CELF2: variants seen among roughly 807,000 people sequenced by gnomAD.
CELF2 encodes the protein CUG triplet repeat RNA-binding protein 2.
In CELF2, 8 loss-of-function variants were observed where a neutral mutation model predicts 62.6. That is an observed-to-expected ratio of 0.13 (90% CI 0.07 to 0.23). CELF2 has a LOEUF of 0.23. CELF2 is among the 10% of genes least tolerant of loss of function. CELF2 has a pLI of 1.00. For synonymous variants in CELF2, 258 were observed against 250.0 expected (o/e 1.03, Z -0.30); for missense variants, 333 against 671.0 (o/e 0.50, Z 5.56).
At chr10:11,181,347 G>C (rs548990263) in intron 2 of CELF2, among the ~76,000 whole-genome samples, 4 of 152,310 alleles carry the variant, frequency 2.6e-5, no homozygotes, top group South Asian at 4.1e-4. Context: ...CCTCTCGACT[G>C]TCAGTTGTCA....
chr10:10,681,048 TATTC>T, the CELF2 span, among the ~76,000 whole-genome samples: 1 of 152,172 alleles, frequency 6.6e-6, no homozygotes, highest in Non-Finnish European at 1.5e-5. Flanking sequence ...GGTTTTTATT[TATTC>T]TGTATTGAAT....
chr10:10,715,654 T>C, the CELF2 span, among the ~76,000 whole-genome samples: 1 of 152,186 alleles, frequency 6.6e-6, no homozygotes, highest in African/African-American at 2.4e-5. Flanking sequence ...ACCTCTTTGG[T>C]AGAAGAGTTG....
At chr10:11,111,746 C>G (rs1408922753) in intron 1 of CELF2, among the ~76,000 whole-genome samples, 2 of 152,152 alleles carry the variant, frequency 1.3e-5, no homozygotes, top group African/African-American at 2.4e-5. Context: ...GGCAGAGTGC[C>G]CCAAGTTCAC....
intron 1 of CELF2, among the ~76,000 whole-genome samples, chr10:10,874,006 A>C (rs2060924525): frequency 6.6e-6 from 1 of 152,144 alleles, no homozygotes; most frequent in African/African-American, 2.4e-5. Context: ...TAATGTGCTG[A>C]AATTATATAT....
At chr10:10,638,519 T>C in the CELF2 span, among the ~76,000 whole-genome samples, 1 of 152,324 alleles carries the variant, frequency 6.6e-6, no homozygotes, top group African/African-American at 2.4e-5. Context: ...ACATTCTTTT[T>C]TTGAGACATG....
intron 1 of CELF2, among the ~76,000 whole-genome samples, chr10:11,114,408 A>G (rs1027235413): frequency 3.3e-5 from 5 of 152,358 alleles, no homozygotes; most frequent in Admixed American, 1.3e-4. Context: ...TAACATATCA[A>G]AGAAAATGTG....
chr10:10,565,613 T>A, the CELF2 span, among the ~76,000 whole-genome samples: 3 of 152,176 alleles, frequency 2.0e-5, no homozygotes, highest in Non-Finnish European at 4.4e-5. Flanking sequence ...TCTGGGTCAT[T>A]CCTGGATGCT....
At chr10:11,172,216 A>G (rs2069124862) in intron 2 of CELF2, among the ~76,000 whole-genome samples, 1 of 152,152 alleles carries the variant, frequency 6.6e-6, no homozygotes, top group Non-Finnish European at 1.5e-5. Flanking sequence ...ATCCTGAATT[A>G]ATGTTATGTT....
chr10:10,517,645 C>G, the CELF2 span, among the ~76,000 whole-genome samples: 2 of 152,134 alleles, frequency 1.3e-5, no homozygotes, highest in African/African-American at 4.8e-5. Context: ...GCAATTTTCC[C>G]TGCAGCATGG....
chr10:11,260,647 C>CT lies in CELF2; in HGVS notation c.538+2776dup, dbSNP rs1219308415. The stretch of plus-strand genomic sequence containing the variant: ...GAGGAGAAAACTTTTCCCTCCCCAT[C>CT]TGTTTTTTTTTTTTTTAAACAGCAG... On this transcript the variant is annotated intron_variant, in intron 5 of 12. Coordinates refer to ENST00000633077, the MANE Select transcript of CELF2 (RefSeq NM_001326342.2). The surrounding 1 kb of genome is among the most constrained non-coding windows in gnomAD (Gnocchi z 4.2). Among the ~76,000 whole-genome samples, 1 of 149,686 alleles carries CT rather than the reference C, an allele frequency of 6.7e-6. No homozygotes were observed. Among genetic ancestry groups the CT allele is most frequent in the Non-Finnish European group, 1.5e-5 (1 of 67,706 alleles).
At chr10:10,890,118 T>A (rs1419643380) in intron 1 of CELF2, among the ~76,000 whole-genome samples, 1 of 152,230 alleles carries the variant, frequency 6.6e-6, no homozygotes, top group Admixed American at 6.5e-5. Context: ...TGATGAGTTC[T>A]CATGACTTTT....
chr10:11,032,699 T>G (rs2060321114), intron 1 of CELF2, among the ~76,000 whole-genome samples: 1 of 136,326 alleles, frequency 7.3e-6, no homozygotes, highest in Non-Finnish European at 1.7e-5. Context: ...AAAGAAAAAT[T>G]ATTGTGATGG....
At chr10:10,657,626 T>C in the CELF2 span, among the ~76,000 whole-genome samples, 6 of 152,124 alleles carry the variant, frequency 3.9e-5, no homozygotes, top group Non-Finnish European at 8.8e-5. Context: ...TGAATCCAAT[T>C]ATATAAAGTT....
At chr10:11,162,678 A>G (rs1233929385) in intron 1 of CELF2, among the ~76,000 whole-genome samples, 1 of 152,178 alleles carries the variant, frequency 6.6e-6, no homozygotes, top group East Asian at 1.9e-4. Flanking sequence ...AAATACACAT[A>G]TTATTATTTA....
chr10:10,713,824 C>T, the CELF2 span, among the ~76,000 whole-genome samples: 2 of 152,126 alleles, frequency 1.3e-5, no homozygotes, highest in Admixed American at 6.5e-5. Context: ...CACTTGAGAT[C>T]AGGAGTTCGA....
intron 1 of CELF2, among the ~76,000 whole-genome samples, chr10:11,028,726 T>C (rs2059653316): frequency 6.7e-6 from 1 of 149,920 alleles, no homozygotes; most frequent in East Asian, 2.0e-4. Flanking sequence ...GCCTTTTTTT[T>C]TTTTTTTTTG....
At chr10:10,813,101 T>C (rs949778648) in intron 1 of CELF2, among the ~76,000 whole-genome samples, 2 of 152,240 alleles carry the variant, frequency 1.3e-5, no homozygotes, top group African/African-American at 4.8e-5. Flanking sequence ...CTCTTTATAT[T>C]GATCCTCATT....
At chr10:11,116,170 G>C (rs1457770912) in intron 1 of CELF2, among the ~76,000 whole-genome samples, 1 of 152,162 alleles carries the variant, frequency 6.6e-6, no homozygotes, top group African/African-American at 2.4e-5. Flanking sequence ...ATGCTAGATC[G>C]TAGAAATGTA....
the CELF2 span, among the ~76,000 whole-genome samples, chr10:10,553,937 A>G: frequency 1.2e-4 from 18 of 152,322 alleles, no homozygotes; most frequent in Middle Eastern, 6.8e-3. Context: ...GAAGGGATTT[A>G]CACAAAGTAT....
Sources: allele counts gnomAD v4.1 joint callset (sites outside exome capture counted in the v4.1 genomes callset), GRCh38; gene constraint gnomAD v4.1.1; non-coding constraint Gnocchi (gnomAD v3.1); transcripts MANE v1.5; gene names NCBI Gene and HGNC (gene_info 2026-07-23, HGNC 2026-07-21).